LDLRAD3: variants seen among roughly 807,000 people sequenced by gnomAD.
LDLRAD3 encodes low density lipoprotein receptor class A domain containing 3.
Under a neutral mutation model 29.4 loss-of-function variants are expected in LDLRAD3, and 20 were observed. The observed-to-expected ratio is 0.68, with a 90% CI of 0.48 to 0.99. The LOEUF is 0.99. Among genes scored for constraint, LDLRAD3 ranks in the 50% least tolerant of loss-of-function variants. The probability of loss-of-function intolerance (pLI) is 0.00; values close to 1 mark genes in which losing one functional copy is unlikely to be tolerated. For synonymous variants in LDLRAD3, 157 were observed against 192.7 expected (o/e 0.81, Z 1.53); for missense variants, 420 against 454.3 (o/e 0.92, Z 0.69).
chr11:36,081,597 A>G, intron 2 of LDLRAD3, 56 bp from the exon 3 acceptor site: 2 of 1,609,540 alleles, frequency 1.2e-6, no homozygotes, highest in African/African-American at 1.3e-5. Flanking sequence ...TGGGATGAGT[A>G]TGCAGTCATC....
chr11:36,201,029 G>C lies in LDLRAD3; in HGVS notation c.455-26056G>C, dbSNP rs575564268. Among the ~76,000 whole-genome samples the C allele has an allele frequency of 6.6e-5, 10 of 152,326 alleles. No homozygotes were observed. The South Asian group carries it at 1.9e-3, about 28-fold the overall frequency. ...AGAGGGGGAGAAAGAAATGTTTTCT[G>C]TTGGTTTGCTGAGCATGAAAGTGAA... On this transcript the variant is annotated intron_variant, in intron 4 of 5. Coordinates refer to ENST00000315571, the MANE Select transcript of LDLRAD3 (RefSeq NM_174902.4).
At chr11:36,056,355 A>G (rs754002109) in intron 2 of LDLRAD3, among the ~76,000 whole-genome samples, 9 of 152,180 alleles carry the variant, frequency 5.9e-5, no homozygotes, top group Non-Finnish European at 1.2e-4. Context: ...AATGCTCTGC[A>G]TGGATGATCT....
chr11:36,226,239 C>T (rs1855497093), intron 4 of LDLRAD3, among the ~76,000 whole-genome samples: 1 of 152,130 alleles, frequency 6.6e-6, no homozygotes, highest in Admixed American at 6.5e-5. Context: ...CATTTTGCAG[C>T]CCAGAGAGGG....
At chr11:36,205,127 G>A (rs1855188007) in intron 4 of LDLRAD3, among the ~76,000 whole-genome samples, 1 of 152,096 alleles carries the variant, frequency 6.6e-6, no homozygotes, top group Non-Finnish European at 1.5e-5. Context: ...GTTCATTTTG[G>A]TTTTGCCTTA....
At chr11:36,103,541 G>A (rs1348869010) in intron 4 of LDLRAD3, among the ~76,000 whole-genome samples, 4 of 152,142 alleles carry the variant, frequency 2.6e-5, no homozygotes, top group Admixed American at 6.5e-5. Flanking sequence ...GCCTGGCCCA[G>A]TATTTAATCA....
At chr11:36,055,676 C>T (rs1852608125) in intron 2 of LDLRAD3, among the ~76,000 whole-genome samples, 1 of 152,220 alleles carries the variant, frequency 6.6e-6, no homozygotes, top group Non-Finnish European at 1.5e-5. Context: ...AAGACACTTG[C>T]CTGTGGTCTT....
At chr11:36,110,372 G>C (rs1029554632) in intron 4 of LDLRAD3, among the ~76,000 whole-genome samples, 1 of 152,070 alleles carries the variant, frequency 6.6e-6, no homozygotes, top group African/African-American at 2.4e-5. Flanking sequence ...CTCTCTCCCC[G>C]GTGAATGGCG....
intron 4 of LDLRAD3, among the ~76,000 whole-genome samples, chr11:36,142,393 C>T (rs948546238): frequency 6.6e-6 from 1 of 152,166 alleles, no homozygotes; most frequent in African/African-American, 2.4e-5. Flanking sequence ...CATCATATTC[C>T]GTTTAGTAGC....
chr11:36,142,541 G>A (rs1239468695), intron 4 of LDLRAD3, among the ~76,000 whole-genome samples: 1 of 152,080 alleles, frequency 6.6e-6, no homozygotes, highest in Non-Finnish European at 1.5e-5. Context: ...AAGAGGATTC[G>A]GTTACTTGAT....
intron 4 of LDLRAD3, among the ~76,000 whole-genome samples, chr11:36,159,863 C>T (rs998795618): frequency 2.6e-5 from 4 of 152,128 alleles, no homozygotes; most frequent in East Asian, 3.9e-4. Flanking sequence ...AGGGCCAGGA[C>T]GGTTCCTTCC....
At chr11:36,000,134 G>A (rs1374941366) in intron 1 of LDLRAD3, among the ~76,000 whole-genome samples, 1 of 151,934 alleles carries the variant, frequency 6.6e-6, no homozygotes, top group African/African-American at 2.4e-5. Context: ...GGATCTATAT[G>A]GTATAATGCC....
chr11:36,014,450 T>A (rs1590206620), intron 1 of LDLRAD3, among the ~76,000 whole-genome samples: 1 of 152,154 alleles, frequency 6.6e-6, no homozygotes. Context: ...GCTGGAAGGG[T>A]GCAGTATGGG....
At chr11:36,054,970 C>CATGGATGGATGG (rs147422335) in intron 2 of LDLRAD3, among the ~76,000 whole-genome samples, 9 of 87,294 alleles carry the variant, frequency 1.0e-4, no homozygotes, top group South Asian at 5.4e-4. Context: ...TGGATGGATG[C>CATGGATGGATGG]ATGGATGGAT....
intron 4 of LDLRAD3, among the ~76,000 whole-genome samples, chr11:36,170,330 G>GTACATATA (rs1565276201): frequency 3.4e-5 from 5 of 146,386 alleles, no homozygotes; most frequent in East Asian, 2.0e-4. Flanking sequence ...ATGTATATAT[G>GTACATATA]TACGTATATA....
At chr11:36,212,216 G>T (rs939224490) in intron 4 of LDLRAD3, among the ~76,000 whole-genome samples, 7 of 152,164 alleles carry the variant, frequency 4.6e-5, no homozygotes, top group Non-Finnish European at 7.3e-5. Flanking sequence ...TGCCTCAGAG[G>T]TTTCCCTTTG....
chr11:36,170,975 T>A (rs1854591059), intron 4 of LDLRAD3, among the ~76,000 whole-genome samples: 1 of 152,120 alleles, frequency 6.6e-6, no homozygotes, highest in South Asian at 2.1e-4. Context: ...CTAATTTTTG[T>A]ATTTTTAGTA....
chr11:36,209,016 A>G (rs1374302654), intron 4 of LDLRAD3, among the ~76,000 whole-genome samples: 10 of 152,250 alleles, frequency 6.6e-5, no homozygotes. Context: ...GTATCCCCTG[A>G]TGGGATACAC....
chr11:35,971,994 G>A (rs58797343), intron 1 of LDLRAD3, among the ~76,000 whole-genome samples: 1 of 152,138 alleles, frequency 6.6e-6, no homozygotes, highest in African/African-American at 2.4e-5. Flanking sequence ...CTGCCGGTGT[G>A]GGGGAGGAGT....
intron 4 of LDLRAD3, among the ~76,000 whole-genome samples, chr11:36,173,985 A>C (rs1233448236): frequency 6.6e-6 from 1 of 152,240 alleles, no homozygotes; most frequent in Non-Finnish European, 1.5e-5. Flanking sequence ...TACAGTAACC[A>C]AAACAGCATG....
Sources: gnomAD v4.1 joint callset for allele counts (sites outside exome capture counted in the v4.1 genomes callset) on GRCh38, gnomAD v4.1.1 for gene constraint, MANE v1.5 for transcripts, NCBI Gene and HGNC (gene_info 2026-07-23, HGNC 2026-07-21) for gene names.